The following MED26 variants were observed in gnomAD, a reference collection of about 807,000 sequenced individuals.
MED26 encodes the protein mediator of RNA polymerase II transcription subunit 26.
In MED26, 7 loss-of-function variants were observed where a neutral mutation model predicts 43.7. That is an observed-to-expected ratio of 0.16 (90% CI 0.09 to 0.30). The LOEUF (loss-of-function observed/expected upper bound fraction) is 0.30, where lower values mean the gene tolerates loss of function less well. Among genes scored for constraint, MED26 ranks in the 10% least tolerant of loss-of-function variants. MED26 has a pLI of 1.00. For missense variants in MED26, 784 were observed against 840.6 expected (o/e 0.93, Z 0.83); for synonymous variants, 375 against 371.1 (o/e 1.01, Z -0.12).
chr19:16,595,986 T>C (rs145920824), intron 1 of MED26, among the ~76,000 whole-genome samples: 1 of 152,330 alleles, frequency 6.6e-6, no homozygotes, highest in Non-Finnish European at 1.5e-5. Context: ...AATACTGTCA[T>C]GGCAACTGGT....
At chr19:16,585,531 G>A (rs1012181374) in intron 1 of MED26, among the ~76,000 whole-genome samples, 1 of 152,126 alleles carries the variant, frequency 6.6e-6, no homozygotes, top group South Asian at 2.1e-4. Flanking sequence ...GACCTGCCCA[G>A]CCCCAGTCAG....
chr19:16,609,538 T>C (rs900901602), intron 1 of MED26, among the ~76,000 whole-genome samples: 2 of 152,110 alleles, frequency 1.3e-5, no homozygotes, highest in African/African-American at 4.8e-5. Context: ...CTTACATGCA[T>C]ATTTACATAT....
chr19:16,609,854 C>G (rs779130539), intron 1 of MED26, among the ~76,000 whole-genome samples: 1 of 139,580 alleles, frequency 7.2e-6, no homozygotes, highest in African/African-American at 2.7e-5. Context: ...TTCTCCACAA[C>G]AATTATCAAA....
intron 1 of MED26, among the ~76,000 whole-genome samples, chr19:16,581,353 T>C (rs553132878): frequency 5.9e-5 from 9 of 152,256 alleles, no homozygotes; most frequent in East Asian, 1.9e-4. Context: ...GGGAAGACTG[T>C]GCGATGAGGA....
In MED26 at chr19:16,575,439, G is replaced by A. The variant is rs1446640461; in HGVS notation, c.*588C>T. On this transcript the variant is annotated 3_prime_UTR_variant, in exon 3 of 3. Coordinates refer to ENST00000263390, the MANE Select transcript of MED26 (RefSeq NM_004831.5). Reference sequence around the variant, plus strand: ...TGTGGGTCACACTGGCTGGCCAGCTGGCCCGCCTGCCCAATGCCAGTGGCT... The same window carrying A: ...TGTGGGTCACACTGGCTGGCCAGCTAGCCCGCCTGCCCAATGCCAGTGGCT... 1 of 152,480 alleles carries A rather than the reference G, an allele frequency of 6.6e-6. No homozygotes were observed. The highest frequency in any genetic ancestry group is 1.5e-5 in the Non-Finnish European group (1 of 68,160). 9.4% of individuals were successfully genotyped at this position (152,480 alleles called of 1,614,324 possible). A position where few individuals can be genotyped will look rare whatever the true frequency, so the allele number is the denominator to read the frequency against.
chr19:16,615,937 G>A (rs1223097298), intron 1 of MED26, among the ~76,000 whole-genome samples: 1 of 152,172 alleles, frequency 6.6e-6, no homozygotes, highest in Non-Finnish European at 1.5e-5. Context: ...CCAGCAAAGT[G>A]CTACAACTTT....
intron 1 of MED26, among the ~76,000 whole-genome samples, chr19:16,609,979 T>G (rs1450961752): frequency 6.7e-6 from 1 of 148,332 alleles, no homozygotes; most frequent in African/African-American, 2.5e-5. Context: ...CAATGTTATT[T>G]CAGTAATGTT....
At chr19:16,614,866 C>T (rs2086216407) in intron 1 of MED26, among the ~76,000 whole-genome samples, 1 of 152,212 alleles carries the variant, frequency 6.6e-6, no homozygotes, top group Admixed American at 6.5e-5. Context: ...CCACCTCAAC[C>T]CCAATACTAA....
At chr19:16,584,114 G>A (rs776168279) in intron 1 of MED26, among the ~76,000 whole-genome samples, 18 of 152,032 alleles carry the variant, frequency 1.2e-4, no homozygotes, top group Non-Finnish European at 2.5e-4. Flanking sequence ...TTCCACGGGC[G>A]CGGTGGTGTG....
chr19:16,616,927 C>T (rs1599347958), intron 1 of MED26, among the ~76,000 whole-genome samples: 1 of 152,232 alleles, frequency 6.6e-6, no homozygotes, highest in South Asian at 2.1e-4. Flanking sequence ...GAGAACAGCG[C>T]CCTAAAGAGA....
At chr19:16,597,083 C>T (rs1005085709) in intron 1 of MED26, among the ~76,000 whole-genome samples, 1 of 152,154 alleles carries the variant, frequency 6.6e-6, no homozygotes, top group Non-Finnish European at 1.5e-5. Flanking sequence ...AGCCTGAGCC[C>T]GAGCATGTCT....
intron 1 of MED26, among the ~76,000 whole-genome samples, chr19:16,582,296 C>T (rs2086049671): frequency 6.7e-6 from 1 of 150,238 alleles, no homozygotes; most frequent in Non-Finnish European, 1.5e-5. Flanking sequence ...ACCACCTGGG[C>T]ATCCAGACAC....
chr19:16,619,502 C>G (rs1898403605), intron 1 of MED26, among the ~76,000 whole-genome samples: 1 of 152,232 alleles, frequency 6.6e-6, no homozygotes, highest in Non-Finnish European at 1.5e-5. Context: ...GGGATAAGAA[C>G]TTAAACCCAG....
At chr19:16,580,374 G>T (rs928093454) in intron 1 of MED26, among the ~76,000 whole-genome samples, 1 of 144,820 alleles carries the variant, frequency 6.9e-6, no homozygotes, top group Non-Finnish European at 1.5e-5. Flanking sequence ...CTCTTATTTT[G>T]TTTTTTTTTT....
intron 1 of MED26, among the ~76,000 whole-genome samples, chr19:16,581,150 C>G (rs1323518567): frequency 6.6e-6 from 1 of 152,214 alleles, no homozygotes; most frequent in African/African-American, 2.4e-5. Flanking sequence ...AGAACTCCCA[C>G]AAAGCTGCCC....
chr19:16,578,296 C>T (rs746996343), intron 2 of MED26, 39 bp downstream of exon 2: 38 of 1,587,684 alleles, frequency 2.4e-5, no homozygotes, highest in Middle Eastern at 1.7e-4. Context: ...CCCTGCCCCC[C>T]GTTCTGCCCT....
At chr19:16,604,007 A>C (rs1432538611) in intron 1 of MED26, among the ~76,000 whole-genome samples, 1 of 152,238 alleles carries the variant, frequency 6.6e-6, no homozygotes, top group Non-Finnish European at 1.5e-5. Context: ...GCACAAGTAG[A>C]GGCTCCCCTG....
At chr19:16,595,094 G>C (rs2086114253) in intron 1 of MED26, among the ~76,000 whole-genome samples, 1 of 152,182 alleles carries the variant, frequency 6.6e-6, no homozygotes, top group South Asian at 2.1e-4. Context: ...CCTCACTGCG[G>C]ATTCACACTC....
At chr19:16,611,277 T>C (rs137904039) in intron 1 of MED26, 1 of 152,384 alleles carries the variant, frequency 6.6e-6, no homozygotes, top group African/African-American at 2.4e-5. Flanking sequence ...TCACTGACTG[T>C]GTGGAGAAAA....
Sources: allele counts gnomAD v4.1 joint callset (sites outside exome capture counted in the v4.1 genomes callset), GRCh38; gene constraint gnomAD v4.1.1; transcripts MANE v1.5; gene names NCBI Gene and HGNC (gene_info 2026-07-23, HGNC 2026-07-21).